PRKAR1B: variants seen among roughly 807,000 people sequenced by gnomAD.
PRKAR1B encodes protein kinase cAMP-dependent type I regulatory subunit beta.
Under a neutral mutation model 46.5 loss-of-function variants are expected in PRKAR1B, and 22 were observed. The observed-to-expected ratio is 0.47, with a 90% CI of 0.34 to 0.68. PRKAR1B has a LOEUF of 0.68. PRKAR1B is among the 30% of genes least tolerant of loss of function. The pLI is 0.01. For missense variants in PRKAR1B, 445 were observed against 535.6 expected (o/e 0.83, Z 1.67); for synonymous variants, 259 against 217.7 (o/e 1.19, Z -1.67).
chr7:693,247 T>TC (rs1562345453), intron 2 of PRKAR1B, among the ~76,000 whole-genome samples: 2 of 151,706 alleles, frequency 1.3e-5, no homozygotes, highest in African/African-American at 2.4e-5. Flanking sequence ...GCTTTTTTTT[T>TC]TTTTTTTAAT....
At chr7:690,231 C>T (rs946678449) in intron 2 of PRKAR1B, among the ~76,000 whole-genome samples, 2 of 151,340 alleles carry the variant, frequency 1.3e-5, no homozygotes, top group East Asian at 2.0e-4. Context: ...AGGAGGCAGA[C>T]GTTGCAGTGA....
intron 2 of PRKAR1B, among the ~76,000 whole-genome samples, chr7:687,447 G>C (rs927468771): frequency 7.9e-5 from 12 of 152,170 alleles, no homozygotes; most frequent in African/African-American, 2.9e-4. Flanking sequence ...TGGTGGATGG[G>C]TTTAACAGCA....
chr7:561,917 G>A (rs193119475), intron 9 of PRKAR1B: 9 of 152,442 alleles, frequency 5.9e-5, no homozygotes, highest in Admixed American at 2.0e-4. Flanking sequence ...TGTGAGACGA[G>A]CCTTTCCTTC....
Position 667,986 on chromosome 7 carries a change from A to G in PRKAR1B, c.440+9243T>C, listed in dbSNP as rs1031002949. On this transcript the variant is annotated intron_variant, in intron 4 of 10. Transcript: ENST00000537384. This position sits in a 1 kb window ranked among gnomAD's most constrained non-coding sequence, Gnocchi z 4.3. ...TTTCTACCCTTCTCCAAGCTTACGT[A>G]TCTCTCGCACAACCTTATGTATCTC... Among the ~76,000 whole-genome samples, 2 of 152,198 alleles carry G rather than the reference A, an allele frequency of 1.3e-5. No homozygotes were observed. Among genetic ancestry groups the G allele is most frequent in the African/African-American group, 4.8e-5 (2 of 41,462 alleles).
At chr7:612,232 G>T (rs912648665) in intron 4 of PRKAR1B, among the ~76,000 whole-genome samples, 2 of 146,144 alleles carry the variant, frequency 1.4e-5, no homozygotes, top group Admixed American at 6.8e-5. Context: ...AGATGGACAG[G>T]TGGGTGGATG....
At position 629,406 on chromosome 7, in the gene PRKAR1B, C is replaced by T. The variant is rs1783604054; in HGVS notation, c.441-21954G>A. Among the ~76,000 whole-genome samples, 2 of 128,810 alleles carry T rather than the reference C, an allele frequency of 1.6e-5. 1 individual carries two copies. The highest frequency in any genetic ancestry group is 1.5e-4 in the Admixed American group (2 of 12,926). 84.5% of individuals were successfully genotyped at this position (128,810 alleles called of 152,430 possible). ...GGACCACGGCCTCCGAGGGCGCCAC[C>T]ACCCCAAGGCTGGAAAACGCTGCAG... On this transcript the variant is annotated intron_variant, in intron 4 of 10. Transcript: ENST00000537384.
In PRKAR1B at chr7:711,475, C is replaced by T. The variant is rs954428465; in HGVS notation, c.31G>A (p.Glu11Lys). The part of the protein sequence containing the change: MASPPACPSE[E>K]DESLKGCELY... Reference sequence around the variant, plus strand: ...TCACAGCCCTTCAGGCTCTCGTCCTCCTCCGAGGGGCAGGCGGGCGGGGAG... The same window carrying T: ...TCACAGCCCTTCAGGCTCTCGTCCTTCTCCGAGGGGCAGGCGGGCGGGGAG... The change falls in exon 2 of 11, where the codon GAG (glutamate) becomes AAG (lysine). Residue 11 changes from glutamate to lysine, a missense_variant. Glu to Lys is a moderately conservative substitution (Grantham distance 56, BLOSUM62 1). Transcript: ENST00000537384. 2.5e-6 allele frequency: 4 copies of T among 1,613,960 alleles called. No individual in the cohort carries two copies. In the Admixed American group the frequency reaches 5.0e-5, roughly 20 times the overall value.
At chr7:684,336 G>A (rs1051533941) in intron 2 of PRKAR1B, among the ~76,000 whole-genome samples, 1 of 152,188 alleles carries the variant, frequency 6.6e-6, no homozygotes, top group Non-Finnish European at 1.5e-5. Context: ...ATATCTTGAC[G>A]GAGCTTCCCC....
At chr7:656,398 G>A (rs1339946417) in intron 4 of PRKAR1B, among the ~76,000 whole-genome samples, 1 of 152,106 alleles carries the variant, frequency 6.6e-6, no homozygotes, top group Non-Finnish European at 1.5e-5. Flanking sequence ...AATAGATGAA[G>A]AAATGAATGT....
At chr7:612,514 G>A (rs1325908302) in intron 4 of PRKAR1B, among the ~76,000 whole-genome samples, 1 of 151,938 alleles carries the variant, frequency 6.6e-6, no homozygotes, top group African/African-American at 2.4e-5. Context: ...TGGACAGCTG[G>A]GTGGATGAAC....
At chr7:631,607 C>G (rs115569574) in intron 4 of PRKAR1B, among the ~76,000 whole-genome samples, 1 of 152,182 alleles carries the variant, frequency 6.6e-6, no homozygotes, top group Non-Finnish European at 1.5e-5. Context: ...AGGCCCACCA[C>G]GCAAACCCAG....
At chr7:680,157 CAAAAAAAAAA>C (rs372918350) in intron 3 of PRKAR1B, among the ~76,000 whole-genome samples, 4 of 73,664 alleles carry the variant, frequency 5.4e-5, no homozygotes, top group African/African-American at 1.4e-4. Context: ...GACTCTGTTT[CAAAAAAAAAA>C]AAAAAAAAAA....
At chr7:712,063 G>T (rs897667619) in intron 1 of PRKAR1B, among the ~76,000 whole-genome samples, 1 of 151,760 alleles carries the variant, frequency 6.6e-6, no homozygotes, top group African/African-American at 2.4e-5. Context: ...GGCGGTGGTG[G>T]GGGGGTGGGG....
chr7:606,821 T>C (rs1240365216), intron 5 of PRKAR1B, among the ~76,000 whole-genome samples: 1 of 152,086 alleles, frequency 6.6e-6, no homozygotes, highest in Non-Finnish European at 1.5e-5. Flanking sequence ...TTTAGTTTTA[T>C]ACATATGTAT....
At chr7:650,291 C>A (rs530861574) in intron 4 of PRKAR1B, among the ~76,000 whole-genome samples, 2 of 152,234 alleles carry the variant, frequency 1.3e-5, no homozygotes, top group East Asian at 1.9e-4. Flanking sequence ...GTCTGAGGGA[C>A]CCTAGAGGGT....
At chr7:718,299 CACAT>C (rs1780953461) in intron 1 of PRKAR1B, among the ~76,000 whole-genome samples, 2 of 138,730 alleles carry the variant, frequency 1.4e-5, no homozygotes, top group African/African-American at 5.4e-5. Flanking sequence ...CACACACATA[CACAT>C]ATATACATAC....
chr7:666,997 CAATGGTGGTGATGAG>C lies in PRKAR1B; in HGVS notation c.440+10217_440+10231del, dbSNP rs1462723535. ...ATGGTGATGATAAAGATGATGATGG[CAATGGTGGTGATGAG>C]GATGGTGGTGGTGATGGTGATGATG... On this transcript the variant is annotated intron_variant, in intron 4 of 10. Coordinates refer to ENST00000537384, the MANE Select transcript of PRKAR1B (RefSeq NM_001164760.2). The surrounding 1 kb of genome is among the most constrained non-coding windows in gnomAD (Gnocchi z 4.9). Among the ~76,000 whole-genome samples the C allele has an allele frequency of 1.3e-5, 2 of 151,908 alleles. No individual in the cohort carries two copies. Among genetic ancestry groups the C allele is most frequent in the Admixed American group, 6.6e-5 (1 of 15,244 alleles).
chr7:680,686 G>A lies in PRKAR1B; in HGVS notation c.218C>T (p.Ser73Leu). ...RQILARQKSN[S>L]QSDSHDEEVS... ...CTCCTCATCATGGGAGTCCGACTGTGAGTTTGACTTTTGCCGCGCCAAAAT... is the reference window on the plus strand; with the variant it reads ...CTCCTCATCATGGGAGTCCGACTGTAAGTTTGACTTTTGCCGCGCCAAAAT... The change falls in exon 3 of 11, where the codon TCA becomes TTA. Residue 73 changes from serine (S) to leucine (L), a missense_variant. Physicochemically the swap from Ser to Leu is moderately radical, Grantham distance 145. Transcript: ENST00000537384. 1 of 1,613,902 alleles carries A rather than the reference G, an allele frequency of 6.2e-7. No individual in the cohort carries two copies.
upstream of PRKAR1B, among the ~76,000 whole-genome samples, chr7:728,481 T>G (rs931907462): frequency 2.6e-5 from 4 of 152,104 alleles, no homozygotes; most frequent in African/African-American, 9.7e-5. Flanking sequence ...GAGCTGGACT[T>G]GGGGAAATGC....
Sources: allele counts gnomAD v4.1 joint callset (sites outside exome capture counted in the v4.1 genomes callset), GRCh38; gene constraint gnomAD v4.1.1; non-coding constraint Gnocchi (gnomAD v3.1); transcripts MANE v1.5; gene names NCBI Gene and HGNC (gene_info 2026-07-23, HGNC 2026-07-21).